NCAN: variants seen among roughly 807,000 people sequenced by gnomAD.
NCAN encodes neurocan, also known as neurocan core protein.
A neutral mutation model predicts 121.8 loss-of-function variants in NCAN; 47 were observed. The ratio of observed to expected loss-of-function variants is 0.39; its 90% confidence interval spans 0.31 to 0.49. The LOEUF (loss-of-function observed/expected upper bound fraction) is 0.49. Among genes scored for constraint, NCAN ranks in the 20% least tolerant of loss-of-function variants. The pLI is 0.92. For missense variants in NCAN, 1,517 were observed against 1,773.4 expected, an observed-to-expected ratio of 0.86 and a Z score of 2.60; for synonymous variants, 633 against 702.0, an observed-to-expected ratio of 0.90 and a Z score of 1.55.
intron 8 of NCAN, among the ~76,000 whole-genome samples, chr19:19,230,394 C>A (rs995951763): frequency 1.5e-5 from 2 of 129,866 alleles, no homozygotes; most frequent in Non-Finnish European, 3.1e-5. Flanking sequence ...CCGCACCCCC[C>A]ACCCCCAAAT....
At chr19:19,222,354 AC>A (rs1308397339) in intron 3 of NCAN, among the ~76,000 whole-genome samples, 51 of 152,292 alleles carry the variant, frequency 3.3e-4, no homozygotes, top group African/African-American at 1.1e-3. Context: ...ATCTTGGCTC[AC>A]TGCACCTCTG....
Position 19,212,844 on chromosome 19 carries a change from GA to G in NCAN, c.-8+781del, listed in dbSNP as rs1160108088. 6.6e-6 allele frequency among the ~76,000 whole-genome samples: 1 copy of G among 152,166 alleles called. No homozygotes were observed. Among genetic ancestry groups the G allele is most frequent in the Non-Finnish European group, 1.5e-5 (1 of 68,000 alleles). On this transcript the variant is annotated intron_variant, in intron 1 of 14. Transcript: ENST00000252575. The surrounding 1 kb of genome is among the most constrained non-coding windows in gnomAD (Gnocchi z 4.5). ...AGGACCTGTGAGGGATACCAGCTCA[GA>G]GGGGGGGCTGTCCCCCAGCACCTTC... is the stretch of plus-strand genomic sequence containing the variant.
Position 19,252,186 on chromosome 19 carries a change from A to G in NCAN, c.*2275A>G, listed in dbSNP as rs1015737270. ...GGGTCTGTGGTATCTGACACTGTGG[A>G]CATTAATGTACTTCTTGGACATTTT... On this transcript the variant is annotated 3_prime_UTR_variant, in exon 15 of 15. Coordinates refer to ENST00000252575, the MANE Select transcript of NCAN (RefSeq NM_004386.3). 6.5e-6 allele frequency: 1 copy of G among 152,734 alleles called. No homozygotes were observed. The highest frequency in any genetic ancestry group is 1.5e-5 in the Non-Finnish European group (1 of 68,072). 9.5% of individuals were successfully genotyped at this position (152,734 alleles called of 1,614,324 possible). A position where few individuals can be genotyped will look rare whatever the true frequency, so the allele number is the denominator to read the frequency against.
chr19:19,245,167 G>T (rs2060919912), intron 12 of NCAN, 146 bp from the exon 13 acceptor site: 2 of 976,930 alleles, frequency 2.0e-6, no homozygotes, highest in South Asian at 1.7e-5. Context: ...GTCAGGATGG[G>T]CAGGACAGTG....
intron 10 of NCAN, among the ~76,000 whole-genome samples, chr19:19,236,336 A>G (rs2090822329): frequency 6.6e-6 from 1 of 152,196 alleles, no homozygotes; most frequent in African/African-American, 2.4e-5. Context: ...GTATTGTAAT[A>G]TGAATCAGTG....
chr19:19,224,950 C>A (rs967421989), intron 5 of NCAN, 27 bp from the exon 6 acceptor site: 1 of 1,387,026 alleles, frequency 7.2e-7, no homozygotes, highest in Non-Finnish European at 9.3e-7. Context: ...CCCCAGCCCC[C>A]CTGACCTCCA....
In NCAN at chr19:19,224,314, T is replaced by A. The variant is rs769849829; in HGVS notation, c.659T>A (p.Ile220Asn). ...WLSDRTVRYP[I>N]TQSRPGCYGD... ...TCCCCTTGTGTTGTCAGGTATCCTA[T>A]CACCCAGTCCCGTCCTGGTTGCTAT... Residue 220 changes from isoleucine to asparagine, a missense_variant, in exon 5 of 15, where the codon ATC (isoleucine) becomes AAC (asparagine). Ile to Asn is a moderately radical substitution (Grantham distance 149). Coordinates refer to ENST00000252575, the MANE Select transcript of NCAN (RefSeq NM_004386.3). 6.2e-7 allele frequency: 1 copy of A among 1,613,706 alleles called. No homozygotes were observed. Among genetic ancestry groups the A allele is most frequent in the South Asian group, 1.1e-5 (1 of 91,062 alleles).
intron 13 of NCAN, among the ~76,000 whole-genome samples, chr19:19,248,393 C>T (rs764670298): frequency 1.2e-4 from 18 of 151,226 alleles, no homozygotes; most frequent in Non-Finnish European, 2.2e-4. Context: ...TGCAGTGAGC[C>T]GAGATCACGC....
intron 10 of NCAN, among the ~76,000 whole-genome samples, chr19:19,235,892 A>T (rs1438245050): frequency 6.6e-6 from 1 of 152,092 alleles, no homozygotes; most frequent in Non-Finnish European, 1.5e-5. Flanking sequence ...GACTACAGGC[A>T]CACACCACCA....
intron 12 of NCAN, among the ~76,000 whole-genome samples, chr19:19,241,249 A>T (rs2060902331): frequency 6.7e-6 from 1 of 149,920 alleles, no homozygotes; most frequent in Non-Finnish European, 1.5e-5. Flanking sequence ...ATAGAACGAG[A>T]TCCTGTCTCA....
chr19:19,245,947 CG>C (rs1568603747), intron 13 of NCAN, among the ~76,000 whole-genome samples: 1 of 152,108 alleles, frequency 6.6e-6, no homozygotes, highest in African/African-American at 2.4e-5. Context: ...ATAGGCCGCT[CG>C]GGGTGGCTCA....
intron 13 of NCAN, among the ~76,000 whole-genome samples, chr19:19,246,587 G>A (rs2060925218): frequency 6.6e-6 from 1 of 152,086 alleles, no homozygotes; most frequent in East Asian, 1.9e-4. Context: ...AAGCTGGAGT[G>A]CAGTATTGCA....
chr19:19,227,533 G>C lies in NCAN; in HGVS notation c.1913G>C (p.Gly638Ala). 1 of 1,613,856 alleles carries C rather than the reference G, an allele frequency of 6.2e-7. No homozygotes were observed. The highest frequency in any genetic ancestry group is 8.5e-7 in the Non-Finnish European group (1 of 1,179,994). ...CTCCCTATGATGGCCATGCTGCGTG[G>C]TCCCAAAGAGTGGATGCTACCACAC... The part of the protein sequence containing the change: ...PDLPMMAMLR[G>A]PKEWMLPHPT... Residue 638 changes from glycine to alanine, a missense_variant, in exon 8 of 15, where the codon GGT (glycine) becomes GCT (alanine). Coordinates refer to ENST00000252575, the MANE Select transcript of NCAN (RefSeq NM_004386.3). This position sits in a 1 kb window ranked among gnomAD's most constrained non-coding sequence, Gnocchi z 4.2.
At chr19:19,238,479 C>A in intron 11 of NCAN, 68 bp downstream of exon 11, 1 of 1,586,332 alleles carries the variant, frequency 6.3e-7, no homozygotes, top group Admixed American at 1.7e-5. Context: ...AGCCCTTTTG[C>A]CAGGGCATCG....
intron 11 of NCAN, 78 bp downstream of exon 11, chr19:19,238,489 G>T: frequency 1.3e-6 from 2 of 1,545,152 alleles, no homozygotes; most frequent in Non-Finnish European, 1.8e-6. Flanking sequence ...CCAGGGCATC[G>T]CATCCCTCCC....
intron 3 of NCAN, among the ~76,000 whole-genome samples, chr19:19,221,341 C>T (rs915317791): frequency 1.4e-4 from 21 of 151,380 alleles, no homozygotes; most frequent in Admixed American, 6.6e-4. Flanking sequence ...AGTTCGAGAC[C>T]AGCAGATCAT....
At chr19:19,243,376 C>T (rs1353784563) in intron 12 of NCAN, among the ~76,000 whole-genome samples, 3 of 151,586 alleles carry the variant, frequency 2.0e-5, no homozygotes, top group South Asian at 2.1e-4. Context: ...ATTAGCCAGG[C>T]GTGGTGGCGT....
Position 19,219,222 on chromosome 19 carries a change from G to T in NCAN, c.381G>T (p.Leu127=), listed in dbSNP as rs200363084. The change falls in exon 3 of 15, where the codon CTG becomes CTT. Residue 127 remains leucine, a synonymous_variant. Coordinates refer to ENST00000252575, the MANE Select transcript of NCAN (RefSeq NM_004386.3). The part of the protein sequence containing the change: ...PRRRANATLL[L]GPLRASDSGL... ...GCCGAGCCAACGCCACGCTACTTCT[G>T]GGGCCACTGAGGGCCAGTGACTCTG... 1.1e-5 allele frequency: 18 copies of T among 1,608,412 alleles called. No homozygotes were observed.
In NCAN at chr19:19,225,270, G is replaced by A. The variant is rs935886849; in HGVS notation, c.1072G>A (p.Ala358Thr). The A allele has an allele frequency of 1.3e-6, 2 of 1,526,808 alleles. No homozygotes were observed. Among genetic ancestry groups the A allele is most frequent in the Non-Finnish European group, 1.7e-6 (2 of 1,151,938 alleles). The allele number at this position is 1,526,808 out of a possible 1,614,324, so 94.6% of individuals were successfully genotyped here. The change falls in exon 6 of 15, where the codon GCT (alanine) becomes ACT (threonine). Residue 358 changes from alanine (A) to threonine (T), a missense_variant and splice_region_variant. Ala to Thr is a moderately conservative substitution (Grantham distance 58, BLOSUM62 0). Transcript: ENST00000252575. This position sits in a 1 kb window ranked among gnomAD's most constrained non-coding sequence, Gnocchi z 4.0. ...AERFDAYCFR[A>T]HHPTSQHGDL... is the part of the protein sequence containing the mutation. Reference sequence around the variant, plus strand: ...GCGCTTCGACGCCTACTGCTTCCGAGGTGCGTGCGTCCCCTGGTGGCCGCG... The same window carrying A: ...GCGCTTCGACGCCTACTGCTTCCGAAGTGCGTGCGTCCCCTGGTGGCCGCG...
Sources: allele counts gnomAD v4.1 joint callset (sites outside exome capture counted in the v4.1 genomes callset), GRCh38; gene constraint gnomAD v4.1.1; non-coding constraint Gnocchi (gnomAD v3.1); transcripts MANE v1.5; gene names NCBI Gene and HGNC (gene_info 2026-07-23, HGNC 2026-07-21).